Variants in UPK1A observed in about 807,000 individuals in gnomAD.
UPK1A encodes uroplakin-1a.
A neutral mutation model predicts 32.3 loss-of-function variants in UPK1A; 31 were observed. The observed-to-expected ratio is 0.96, with a 90% CI of 0.72 to 1.30. UPK1A has a LOEUF of 1.30. Ranked by LOEUF, UPK1A falls within the 50% of genes most tolerant of loss-of-function variation. The pLI, the probability that UPK1A is intolerant of heterozygous loss-of-function variation, is 0.00. For synonymous variants in UPK1A, 135 were observed against 137.1 expected (o/e 0.98, Z 0.11); for missense variants, 340 against 357.4 (o/e 0.95, Z 0.39).
chr19:35,673,274 T>C, exon 4 of UPK1A: 5 of 1,613,978 alleles, frequency 3.1e-6, no homozygotes, highest in Non-Finnish European at 3.4e-6. Context: ...CGAGTGCGCC[T>C]CCTGCATCAC....
exon 8 of UPK1A, chr19:35,678,030 G>C: frequency 6.4e-7 from 1 of 1,573,362 alleles, no homozygotes; most frequent in Non-Finnish European, 8.6e-7. Flanking sequence ...GGGACAGGAG[G>C]GGAAGGCAAC....
At chr19:35,673,178 G>A in intron 3 of UPK1A, 54 bp from the exon 4 acceptor site, 1 of 1,573,882 alleles carries the variant, frequency 6.4e-7, no homozygotes, top group Non-Finnish European at 8.7e-7. Context: ...TTCCCTGACG[G>A]GGTGTGGCTT....
At position 35,675,208 on chromosome 19, in the gene UPK1A, C is replaced by A. The variant is rs1968163004; in HGVS notation, c.469-632C>A. ...ACAAATTAAACACCTGGATTCCTTACCAAGGCCAGGAAAAGCCAGAAATCT... is the reference window on the plus strand; with the variant it reads ...ACAAATTAAACACCTGGATTCCTTAACAAGGCCAGGAAAAGCCAGAAATCT... On this transcript the variant is annotated intron_variant, in intron 5 of 7. Transcript: ENST00000617999. Among the ~76,000 whole-genome samples the A allele has an allele frequency of 4.6e-5, 7 of 152,246 alleles. No individual in the cohort carries two copies. The South Asian group carries it at 1.4e-3, about 32-fold the overall frequency.
chr19:35,678,324 T>C (rs1240227682), exon 8 of UPK1A: 3 of 319,906 alleles, frequency 9.4e-6, no homozygotes, highest in African/African-American at 6.2e-5. Flanking sequence ...ATGGCAGGCA[T>C]CGCCATTCTT....
chr19:35,666,972 A>T, intron 2 of UPK1A, 76 bp downstream of exon 2: 1 of 1,472,098 alleles, frequency 6.8e-7, no homozygotes, highest in Non-Finnish European at 9.5e-7. Context: ...GGGGTGGGGG[A>T]TGAGGGTCCA....
At chr19:35,673,191 C>T (rs2146386250) in intron 3 of UPK1A, 41 bp from the exon 4 acceptor site, 1 of 1,603,410 alleles carries the variant, frequency 6.2e-7, no homozygotes, top group East Asian at 2.2e-5. Flanking sequence ...TGTGGCTTCA[C>T]GGGCTCTGCC....
chr19:35,670,685 C>T (rs1366657528), intron 3 of UPK1A, among the ~76,000 whole-genome samples: 2 of 101,386 alleles, frequency 2.0e-5, no homozygotes, highest in Non-Finnish European at 2.1e-5. Flanking sequence ...TCCCTCCCTC[C>T]CTCCCTCCCT....
rs201065272 is a variant in UPK1A at position 35,668,443 on chromosome 19, G to A, written c.85-11G>A. ...CCCGAGCAGACCTTCCTAACCCACC[G>A]CTCTGTCCAGCTGTCAGGCCTGTCC... On this transcript the variant is annotated splice_polypyrimidine_tract_variant and intron_variant, in intron 2 of 7. Transcript: ENST00000617999. 5.8e-4 allele frequency: 940 copies of A among 1,613,888 alleles called. 10 individuals are homozygous for A. The highest frequency in any genetic ancestry group is 5.1e-3 in the Middle Eastern group (31 of 6,062).
rs778925384 is a variant in UPK1A at position 35,675,994 on chromosome 19, G to A, written c.623G>A (p.Gly208Glu). Residue 208 changes from glycine to glutamate, a missense_variant, in exon 6 of 8, where the codon GGG becomes GAG. Coordinates refer to ENST00000617999, the Ensembl canonical transcript of UPK1A. ...CTCAACGAGGAGGGCTGCCGCCTGG[G>A]GCACATGGACTACCTGTTCACCAAG... 3.7e-5 allele frequency: 59 copies of A among 1,613,434 alleles called. No homozygotes were observed. The highest frequency in any genetic ancestry group is 4.7e-5 in the Non-Finnish European group (55 of 1,179,880).
intron 5 of UPK1A, 102 bp downstream of exon 5, chr19:35,673,647 G>A: frequency 2.0e-6 from 2 of 989,176 alleles, no homozygotes; most frequent in Non-Finnish European, 3.0e-6. Flanking sequence ...GTGCCTTAAA[G>A]ACATCCGCTC....
rs571935632 is a variant in UPK1A, at chr19:35,677,904, C to A, written c.732+9C>A. The A allele has an allele frequency of 7.2e-6, 8 of 1,107,820 alleles. No individual in the cohort carries two copies. The South Asian group carries it at 8.5e-5, about 12-fold the overall frequency. The allele number at this position is 1,107,820 out of a possible 1,614,324, so 68.6% of individuals were successfully genotyped here. On this transcript the variant is annotated intron_variant, in intron 7 of 7. Coordinates refer to ENST00000617999, the Ensembl canonical transcript of UPK1A. ...CCATCCTGATGTGGACGGTGAGAGG[C>A]GGGGAGCCCACAGGCTGGGTGGGCT...
intron 2 of UPK1A, among the ~76,000 whole-genome samples, chr19:35,667,511 TC>T (rs1331004899): frequency 6.7e-6 from 1 of 149,786 alleles, no homozygotes; most frequent in Non-Finnish European, 1.5e-5. Flanking sequence ...TTTTTTTTTT[TC>T]AGACAGATTC....
At chr19:35,668,621 C>G in exon 3 of UPK1A, 4 of 1,613,790 alleles carry the variant, frequency 2.5e-6, no homozygotes, top group Non-Finnish European at 3.4e-6. Context: ...GTGTGGGTGC[C>G]GCACTCTGCC....
intron 6 of UPK1A, 86 bp downstream of exon 6, chr19:35,676,105 C>A: frequency 7.1e-7 from 1 of 1,409,478 alleles, no homozygotes; most frequent in Non-Finnish European, 9.6e-7. Context: ...TCTCTTTCTC[C>A]CTCCCTGTGT....
exon 3 of UPK1A, chr19:35,668,540 G>C (rs780554863): frequency 6.2e-7 from 1 of 1,614,200 alleles, no homozygotes. Flanking sequence ...TCTCAGGCAA[G>C]GATGACGTCT....
At chr19:35,673,643 T>TA (rs1968137935) in intron 5 of UPK1A, 98 bp downstream of exon 5, 1 of 1,027,192 alleles carries the variant, frequency 9.7e-7, no homozygotes, top group East Asian at 2.5e-5. Context: ...GTGAGTGCCT[T>TA]AAAGACATCC....
At chr19:35,675,948 C>T (rs771707160) in exon 6 of UPK1A, 26 of 1,613,940 alleles carry the variant, frequency 1.6e-5, no homozygotes, top group Non-Finnish European at 2.0e-5. Flanking sequence ...GTGCTGTCGC[C>T]GGACGGGAAA....
intron 3 of UPK1A, 75 bp from the exon 4 acceptor site, chr19:35,673,157 C>T: frequency 2.0e-6 from 3 of 1,501,420 alleles, no homozygotes; most frequent in Non-Finnish European, 2.8e-6. Context: ...CTTGCATTTC[C>T]CCAGTGATGC....
intron 3 of UPK1A, 60 bp downstream of exon 3, chr19:35,668,714 CATA>C: frequency 6.6e-7 from 1 of 1,516,616 alleles, no homozygotes. Context: ...ATCACTGAGT[CATA>C]GTAGCAGGTG....
Sources: allele counts gnomAD v4.1 joint callset (sites outside exome capture counted in the v4.1 genomes callset), GRCh38; gene constraint gnomAD v4.1.1; transcripts MANE v1.5; gene names NCBI Gene and HGNC (gene_info 2026-07-23, HGNC 2026-07-21).